The following CORT variants were observed in gnomAD, a reference collection of about 807,000 sequenced individuals.
The protein encoded by CORT is cortistatin.
Under a neutral mutation model 4.4 loss-of-function variants are expected in CORT, and 2 were observed. The observed-to-expected ratio is 0.46, with a 90% CI of 0.19 to 1.44. The LOEUF (loss-of-function observed/expected upper bound fraction) is 1.44, where lower values mean the gene tolerates loss of function less well. Ranked by LOEUF, CORT falls within the 40% of genes most tolerant of loss-of-function variation. CORT has a pLI of 0.26. For missense variants in CORT, 158 were observed against 140.2 expected (o/e 1.13, Z -0.64); for synonymous variants, 72 against 62.0 (o/e 1.16, Z -0.75).
Position 10,451,435 on chromosome 1 carries a change from G to T in CORT, c.158G>T (p.Trp53Leu). The T allele has an allele frequency of 6.2e-7, 1 of 1,613,912 alleles. No homozygotes were observed. Among genetic ancestry groups the T allele is most frequent in the Non-Finnish European group, 8.5e-7 (1 of 1,179,858 alleles). Residue 53 changes from tryptophan to leucine, a missense_variant, in exon 2 of 2, where the codon TGG (tryptophan) becomes TTG (leucine). Trp to Leu is a moderately conservative substitution (Grantham distance 61). Coordinates refer to ENST00000377049, the MANE Select transcript of CORT (RefSeq NM_001302.5). Reference sequence around the variant, plus strand: ...AGCCTCCTGACTTTCCTCGCTTGGTGGTTTGAGTGGACCTCCCAGGCCAGT... The same window carrying T: ...AGCCTCCTGACTTTCCTCGCTTGGTTGTTTGAGTGGACCTCCCAGGCCAGT... ...KSSLLTFLAW[W>L]FEWTSQASAG...
At chr1:10,450,408 CG>C in intron 1 of CORT, 86 bp downstream of exon 1, 1 of 1,301,896 alleles carries the variant, frequency 7.7e-7, no homozygotes, top group Non-Finnish European at 9.9e-7. Flanking sequence ...TGTGTGTGCA[CG>C]TGTGTTGCAC....
chr1:10,450,892 T>G (rs987742201), intron 1 of CORT, among the ~76,000 whole-genome samples: 4 of 152,212 alleles, frequency 2.6e-5, no homozygotes, highest in Non-Finnish European at 1.5e-5. Context: ...CTAAGGAATT[T>G]GAAAAACCAG....
At chr1:10,450,788 A>G (rs957807710) in intron 1 of CORT, among the ~76,000 whole-genome samples, 2 of 152,232 alleles carry the variant, frequency 1.3e-5, no homozygotes, top group African/African-American at 2.4e-5. Flanking sequence ...AAGAAAGGGT[A>G]TATAAAGTTG....
chr1:10,451,277 T>A, intron 1 of CORT, 100 bp from the exon 2 acceptor site: 1 of 1,382,670 alleles, frequency 7.2e-7, no homozygotes, highest in African/African-American at 1.5e-5. Context: ...TAGATCATTT[T>A]TTTTTTTAAG....
At chr1:10,450,477 G>A (rs775770938) in intron 1 of CORT, among the ~76,000 whole-genome samples, 155 bp downstream of exon 1, 5 of 152,216 alleles carry the variant, frequency 3.3e-5, no homozygotes, top group Non-Finnish European at 7.3e-5. Context: ...CTGGCCCGAG[G>A]TACTGGGATG....
intron 1 of CORT, 49 bp downstream of exon 1, chr1:10,450,371 T>G: frequency 1.4e-6 from 2 of 1,432,146 alleles, no homozygotes; most frequent in Non-Finnish European, 1.8e-6. Flanking sequence ...CTCTGTCTCT[T>G]GTTGGCTTTT....
intron 1 of CORT, among the ~76,000 whole-genome samples, chr1:10,450,945 T>G (rs1194199656): frequency 1.3e-5 from 2 of 152,182 alleles, no homozygotes; most frequent in African/African-American, 4.8e-5. Flanking sequence ...GAAAGCAACT[T>G]GTGAACATCC....
Sources: gnomAD v4.1 joint callset for allele counts (sites outside exome capture counted in the v4.1 genomes callset) on GRCh38, gnomAD v4.1.1 for gene constraint, MANE v1.5 for transcripts, NCBI Gene and HGNC (gene_info 2026-07-23, HGNC 2026-07-21) for gene names.